The following DCC variants were observed in gnomAD, a reference collection of about 807,000 sequenced individuals.
The protein encoded by DCC is DCC netrin 1 receptor, also known as netrin receptor DCC.
A neutral mutation model predicts 172.5 loss-of-function variants in DCC; 58 were observed. The observed-to-expected ratio is 0.34, with a 90% CI of 0.27 to 0.42. DCC has a LOEUF of 0.42. Ranked by LOEUF, DCC falls within the 10% of genes least tolerant of loss-of-function variation. DCC has a pLI of 1.00. For synonymous variants in DCC, 709 were observed against 644.5 expected, an observed-to-expected ratio of 1.10 and a Z score of -1.52; for missense variants, 1,740 against 1,791.0, an observed-to-expected ratio of 0.97 and a Z score of 0.51.
Position 52,485,159 on chromosome 18 carries a change from G to A in DCC, c.91+144281G>A, listed in dbSNP as rs567956096. Reference sequence around the variant, plus strand: ...ACATGTGGTTTCTTCTGTAGTTCTCGAACTGGACTGTGTATGGTGCTGCAG... The same window carrying A: ...ACATGTGGTTTCTTCTGTAGTTCTCAAACTGGACTGTGTATGGTGCTGCAG... On this transcript the variant is annotated intron_variant, in intron 1 of 28. Transcript: ENST00000442544. Among the ~76,000 whole-genome samples, 40 of 152,086 alleles carry A rather than the reference G, an allele frequency of 2.6e-4. No homozygotes were observed. The South Asian group carries it at 3.5e-3, about 13-fold the overall frequency.
chr18:53,178,931 A>G, intron 8 of DCC, 31 bp from the exon 9 acceptor site: 1 of 1,613,602 alleles, frequency 6.2e-7, no homozygotes, highest in Non-Finnish European at 8.5e-7. Flanking sequence ...TCTTTTTGGA[A>G]TAATCTTTCT....
intron 2 of DCC, among the ~76,000 whole-genome samples, chr18:52,871,400 G>T (rs762429273): frequency 2.0e-5 from 3 of 152,108 alleles, no homozygotes; most frequent in Non-Finnish European, 2.9e-5. Flanking sequence ...CAGTCTGTAG[G>T]ACTGGTTTGA....
chr18:53,267,462 C>T (rs2056693775), intron 12 of DCC, among the ~76,000 whole-genome samples: 2 of 152,024 alleles, frequency 1.3e-5, no homozygotes, highest in Non-Finnish European at 2.9e-5. Flanking sequence ...GCTGAGATTA[C>T]AGGCATGAGC....
intron 6 of DCC, 50 bp from the exon 7 acceptor site, chr18:53,065,996 T>G: frequency 1.2e-6 from 2 of 1,608,690 alleles, no homozygotes; most frequent in Non-Finnish European, 1.7e-6. Context: ...TTTTGTCACC[T>G]TGCATTTTTT....
chr18:52,809,722 G>A, intron 2 of DCC, among the ~76,000 whole-genome samples: 1 of 152,112 alleles, frequency 6.6e-6, no homozygotes, highest in Admixed American at 6.5e-5. Context: ...AGAAGAGCGT[G>A]CAGTTGCAAG....
At chr18:52,379,928 T>C (rs543239973) in intron 1 of DCC, among the ~76,000 whole-genome samples, 7 of 152,288 alleles carry the variant, frequency 4.6e-5, no homozygotes, top group Admixed American at 2.0e-4. Flanking sequence ...TTTATAAGAA[T>C]AGAAATTGAT....
chr18:53,163,354 T>G (rs1490720294), intron 8 of DCC, among the ~76,000 whole-genome samples: 1 of 152,244 alleles, frequency 6.6e-6, no homozygotes, highest in African/African-American at 2.4e-5. Flanking sequence ...CAAAAAAAGT[T>G]GATATTAAAA....
At chr18:53,523,295 A>C (rs2046420606) in intron 27 of DCC, among the ~76,000 whole-genome samples, 1 of 152,206 alleles carries the variant, frequency 6.6e-6, no homozygotes, top group African/African-American at 2.4e-5. Flanking sequence ...GAGAAATAGG[A>C]ACACTTTTAC....
At chr18:53,121,108 G>T (rs1449677220) in intron 7 of DCC, among the ~76,000 whole-genome samples, 1 of 151,812 alleles carries the variant, frequency 6.6e-6, no homozygotes, top group African/African-American at 2.4e-5. Context: ...ATAGTGAGAT[G>T]CCATAAAGCC....
At position 52,945,296 on chromosome 18, in the gene DCC, A is replaced by G. The variant is rs552959790; in HGVS notation, c.985+19926A>G. Reference sequence around the variant, plus strand: ...ATAGATGATCTTTATAGAAAGGTAAATGTGTTATGTTTCTTCTAAACACAT... The same window carrying G: ...ATAGATGATCTTTATAGAAAGGTAAGTGTGTTATGTTTCTTCTAAACACAT... On this transcript the variant is annotated intron_variant, in intron 5 of 28. Transcript: ENST00000442544. Among the ~76,000 whole-genome samples the G allele has an allele frequency of 2.6e-5, 4 of 152,290 alleles. No homozygotes were observed. The South Asian group carries it at 8.3e-4, about 32-fold the overall frequency.
intron 1 of DCC, among the ~76,000 whole-genome samples, chr18:52,725,419 C>T (rs2145084320): frequency 6.6e-6 from 1 of 152,284 alleles, no homozygotes; most frequent in Non-Finnish European, 1.5e-5. Flanking sequence ...TAGACGGTGA[C>T]ATAATAGAAT....
intron 1 of DCC, among the ~76,000 whole-genome samples, chr18:52,686,235 TG>T (rs149935382): frequency 0.03 from 4,572 of 152,208 alleles, 240 homozygotes; most frequent in African/African-American, 0.1. Context: ...CACTTACTCC[TG>T]TTAGGTTATT....
At chr18:52,929,353 A>T (rs958532361) in intron 5 of DCC, among the ~76,000 whole-genome samples, 2 of 127,914 alleles carry the variant, frequency 1.6e-5, no homozygotes, top group African/African-American at 5.2e-5. Flanking sequence ...TTTATTATTT[A>T]TTTTTAATCT....
intron 5 of DCC, among the ~76,000 whole-genome samples, chr18:52,930,833 A>T (rs577615991): frequency 1.3e-5 from 2 of 152,240 alleles, no homozygotes; most frequent in Non-Finnish European, 2.9e-5. Flanking sequence ...ATATGGCACC[A>T]AATCTTTTTC....
At chr18:52,881,230 AG>A (rs1021247739) in intron 2 of DCC, among the ~76,000 whole-genome samples, 3 of 152,100 alleles carry the variant, frequency 2.0e-5, no homozygotes, top group African/African-American at 7.2e-5. Context: ...AAGATGTTTA[AG>A]CTCCTTATAT....
chr18:52,858,335 G>A (rs2039084947), intron 2 of DCC, among the ~76,000 whole-genome samples: 2 of 152,182 alleles, frequency 1.3e-5, no homozygotes, highest in South Asian at 4.1e-4. Flanking sequence ...AGCAGCAGCA[G>A]TAACAGCAGT....
chr18:53,125,174 A>G (rs991899651), intron 7 of DCC, among the ~76,000 whole-genome samples: 6 of 152,122 alleles, frequency 3.9e-5, no homozygotes, highest in African/African-American at 1.4e-4. Flanking sequence ...GATCTGGCAC[A>G]TAATAATTTG....
At chr18:53,166,235 G>A (rs1310448976) in intron 8 of DCC, among the ~76,000 whole-genome samples, 1 of 151,876 alleles carries the variant, frequency 6.6e-6, no homozygotes, top group East Asian at 1.9e-4. Flanking sequence ...AATTTGCTGA[G>A]ATTAGGATGC....
At chr18:53,118,878 G>T (rs1028248953) in intron 7 of DCC, among the ~76,000 whole-genome samples, 1 of 151,662 alleles carries the variant, frequency 6.6e-6, no homozygotes, top group African/African-American at 2.4e-5. Flanking sequence ...TAATACACCC[G>T]TAAGGTAGAA....
Sources: allele counts gnomAD v4.1 joint callset (sites outside exome capture counted in the v4.1 genomes callset), GRCh38; gene constraint gnomAD v4.1.1; transcripts MANE v1.5; gene names NCBI Gene and HGNC (gene_info 2026-07-23, HGNC 2026-07-21).